GLDC: variants seen among roughly 807,000 people sequenced by gnomAD.
GLDC encodes glycine decarboxylase.
GLDC carries 104 observed loss-of-function variants against 121.3 expected under a neutral mutation model. That is an observed-to-expected ratio of 0.86 (90% CI 0.73 to 1.01). The LOEUF is 1.01. Among genes scored for constraint, GLDC ranks in the 50% least tolerant of loss-of-function variants. GLDC has a pLI of 0.00. For missense variants in GLDC, 1,429 were observed against 1,306.6 expected (o/e 1.09, Z -1.44); for synonymous variants, 546 against 480.6 (o/e 1.14, Z -1.78).
At chr9:6,537,931 A>G (rs907846406) in intron 22 of GLDC, among the ~76,000 whole-genome samples, 1 of 152,226 alleles carries the variant, frequency 6.6e-6, no homozygotes, top group Non-Finnish European at 1.5e-5. Flanking sequence ...ATTTCAAAGT[A>G]CACTGCAGTC....
chr9:6,606,775 T>C (rs1299406990), intron 4 of GLDC, 106 bp from the exon 5 acceptor site: 2 of 791,874 alleles, frequency 2.5e-6, no homozygotes, highest in Non-Finnish European at 4.6e-6. Context: ...AAGCACAGTA[T>C]AAAAAATACT....
At chr9:6,559,136 A>G (rs1031747495) in intron 16 of GLDC, among the ~76,000 whole-genome samples, 1 of 152,172 alleles carries the variant, frequency 6.6e-6, no homozygotes, top group African/African-American at 2.4e-5. Flanking sequence ...CCCAGTACCA[A>G]TACACCAATT....
intron 16 of GLDC, among the ~76,000 whole-genome samples, chr9:6,564,661 C>A (rs1457964847): frequency 1.3e-5 from 2 of 152,184 alleles, no homozygotes; most frequent in African/African-American, 4.8e-5. Context: ...AATGAAGGAA[C>A]CAGGAACACA....
At chr9:6,583,821 A>C (rs1818215841) in intron 15 of GLDC, among the ~76,000 whole-genome samples, 1 of 152,254 alleles carries the variant, frequency 6.6e-6, no homozygotes, top group Non-Finnish European at 1.5e-5. Context: ...AGTCAAATTC[A>C]TGGAGCCAGA....
At chr9:6,590,597 G>A (rs1041205265) in intron 11 of GLDC, among the ~76,000 whole-genome samples, 2 of 152,078 alleles carry the variant, frequency 1.3e-5, no homozygotes, top group Non-Finnish European at 2.9e-5. Context: ...GAAGTTTCCT[G>A]AAACCCTCAC....
At chr9:6,545,669 C>A (rs1043265410) in intron 21 of GLDC, among the ~76,000 whole-genome samples, 5 of 152,142 alleles carry the variant, frequency 3.3e-5, no homozygotes, top group Admixed American at 1.3e-4. Flanking sequence ...GAGACAGAGT[C>A]TCAATCTGTT....
rs1388474269 is a variant in GLDC, at chr9:6,588,466, T to C, written c.1666-24A>G. Reference sequence around the variant, plus strand: ...CCCTTTAAGAAGAACATCCAAAATGTATCACATTAGTGATTTTCTATAGTC... The same window carrying C: ...CCCTTTAAGAAGAACATCCAAAATGCATCACATTAGTGATTTTCTATAGTC... On this transcript the variant is annotated intron_variant, in intron 13 of 24. Coordinates refer to ENST00000321612, the MANE Select transcript of GLDC (RefSeq NM_000170.3). 3 of 1,597,636 alleles carry C rather than the reference T, an allele frequency of 1.9e-6. No homozygotes were observed. The Admixed American group carries it at 5.0e-5, about 27-fold the overall frequency.
At chr9:6,560,467 G>A (rs764765218) in intron 16 of GLDC, among the ~76,000 whole-genome samples, 2 of 152,146 alleles carry the variant, frequency 1.3e-5, no homozygotes, top group African/African-American at 2.4e-5. Flanking sequence ...CCTCAAATCC[G>A]TTTTCTTGTT....
At chr9:6,609,079 A>C (rs1199040521) in intron 4 of GLDC, among the ~76,000 whole-genome samples, 1 of 152,100 alleles carries the variant, frequency 6.6e-6, no homozygotes. Flanking sequence ...GGAGCACAAA[A>C]CCTAAGACAC....
intron 8 of GLDC, among the ~76,000 whole-genome samples, chr9:6,598,900 G>T (rs1818542749): frequency 1.3e-5 from 2 of 152,188 alleles, no homozygotes; most frequent in East Asian, 3.8e-4. Context: ...GGAACATAAG[G>T]CCGGGCACAA....
At chr9:6,573,685 C>T (rs985279554) in intron 15 of GLDC, among the ~76,000 whole-genome samples, 7 of 152,072 alleles carry the variant, frequency 4.6e-5, no homozygotes, top group Non-Finnish European at 1.0e-4. Flanking sequence ...CTCTCCTTTA[C>T]GTTGAGAAAC....
chr9:6,614,107 C>T (rs112620305), intron 3 of GLDC, among the ~76,000 whole-genome samples: 1 of 152,092 alleles, frequency 6.6e-6, no homozygotes, highest in East Asian at 1.9e-4. Context: ...TTCTAAGGCT[C>T]CCAGAGCATA....
chr9:6,552,220 TA>T (rs1462782862), intron 20 of GLDC, among the ~76,000 whole-genome samples: 1 of 152,152 alleles, frequency 6.6e-6, no homozygotes, highest in East Asian at 1.9e-4. Context: ...GGGGGCAGCT[TA>T]AACCCTACTT....
At chr9:6,637,081 T>C (rs1028864620) in intron 2 of GLDC, among the ~76,000 whole-genome samples, 5 of 148,576 alleles carry the variant, frequency 3.4e-5, no homozygotes, top group African/African-American at 1.3e-4. Context: ...AGAACTGGTT[T>C]TGTTTGTTTT....
chr9:6,644,581 T>G (rs199946322), intron 2 of GLDC, 33 bp downstream of exon 2: 1 of 1,430,964 alleles, frequency 7.0e-7, no homozygotes, highest in Non-Finnish European at 9.9e-7. Flanking sequence ...GCCAGAATAA[T>G]CTAAGTCCAA....
chr9:6,553,578 G>T (rs1817559195), intron 19 of GLDC, 69 bp from the exon 20 acceptor site: 6 of 1,483,722 alleles, frequency 4.0e-6, no homozygotes, highest in Non-Finnish European at 5.6e-6. Context: ...GAAGGTTCTG[G>T]GCCCTCCCAG....
At position 6,588,707 on chromosome 9, in the gene GLDC, G is replaced by T; in HGVS notation, c.1581-5C>A. On this transcript the variant is annotated splice_region_variant and splice_polypyrimidine_tract_variant and intron_variant, in intron 12 of 24. Transcript: ENST00000321612. The stretch of plus-strand genomic sequence containing the variant: ...ATGTTTGTTTCAGAGTGGTAGCTGT[G>T]AACACAAAACACAGAATTAGGGGCC... The T allele has an allele frequency of 6.2e-7, 1 of 1,606,774 alleles. No individual in the cohort carries two copies. Among genetic ancestry groups the T allele is most frequent in the South Asian group, 1.1e-5 (1 of 90,922 alleles).
intron 15 of GLDC, among the ~76,000 whole-genome samples, chr9:6,582,342 A>T (rs1818186586): frequency 6.7e-6 from 1 of 150,348 alleles, no homozygotes; most frequent in South Asian, 2.1e-4. Flanking sequence ...AACACGGCGA[A>T]ACCCTGTCTC....
chr9:6,634,560 A>AAAAAAC (rs1491391718), intron 2 of GLDC, among the ~76,000 whole-genome samples: 79 of 31,040 alleles, frequency 2.5e-3, no homozygotes, highest in East Asian at 0.021. Context: ...AACAAAAAAC[A>AAAAAAC]AAAAAAAAAC....
Sources: allele counts gnomAD v4.1 joint callset (sites outside exome capture counted in the v4.1 genomes callset), GRCh38; gene constraint gnomAD v4.1.1; transcripts MANE v1.5; gene names NCBI Gene and HGNC (gene_info 2026-07-23, HGNC 2026-07-21).